ELMO1: variants seen among roughly 807,000 people sequenced by gnomAD.
The protein encoded by ELMO1 is engulfment and cell motility 1, also known as engulfment and cell motility protein 1.
A neutral mutation model predicts 98.9 loss-of-function variants in ELMO1; 26 were observed. The ratio of observed to expected loss-of-function variants is 0.26; its 90% CI spans 0.19 to 0.36. The LOEUF (loss-of-function observed/expected upper bound fraction) is 0.36, where lower values mean the gene tolerates loss of function less well. Ranked by LOEUF, ELMO1 falls within the 10% of genes least tolerant of loss-of-function variation. The probability of loss-of-function intolerance (pLI) is 1.00; values close to 1 mark genes in which losing one functional copy is unlikely to be tolerated. For synonymous variants in ELMO1, 346 were observed against 346.0 expected, an observed-to-expected ratio of 1.00 and a Z score of 0.00; for missense variants, 627 against 935.2, an observed-to-expected ratio of 0.67 and a Z score of 4.30.
At chr7:36,977,369 C>T (rs1790645638) in intron 16 of ELMO1, among the ~76,000 whole-genome samples, 1 of 152,148 alleles carries the variant, frequency 6.6e-6, no homozygotes, top group South Asian at 2.1e-4. Flanking sequence ...ATTGGTCTGG[C>T]CTTGAAGCAA....
rs188342449 is a variant in ELMO1 at position 36,973,790 on chromosome 7, C to A, written c.1437+39509G>T. Among the ~76,000 whole-genome samples the A allele has an allele frequency of 4.3e-3, 650 of 152,298 alleles. 7 individuals carry two copies. Among genetic ancestry groups the A allele is most frequent in the African/African-American group, 0.015 (625 of 41,582 alleles). The stretch of plus-strand genomic sequence containing the variant: ...CGGGGCTGCGCGCGGCGCTTGCGAG[C>A]CAGCTGGAGTTCCAGATGGGCGTGG... On this transcript the variant is annotated intron_variant, in intron 16 of 21. Coordinates refer to ENST00000310758, the MANE Select transcript of ELMO1 (RefSeq NM_014800.11).
chr7:37,166,671 G>A (rs1315238874), intron 13 of ELMO1, among the ~76,000 whole-genome samples: 2 of 152,170 alleles, frequency 1.3e-5, no homozygotes, highest in African/African-American at 4.8e-5. Context: ...TTAATCCTGA[G>A]TTCTAGTTTG....
intron 16 of ELMO1, among the ~76,000 whole-genome samples, chr7:36,954,843 T>C (rs917728908): frequency 1.3e-5 from 2 of 152,250 alleles, no homozygotes; most frequent in African/African-American, 4.8e-5. Context: ...AATTCTGTCC[T>C]AATCACATTA....
rs1327198031 is a variant in ELMO1 at position 37,342,155 on chromosome 7, C to T, written c.78+458G>A. On this transcript the variant is annotated intron_variant, in intron 2 of 21. Coordinates refer to ENST00000310758, the MANE Select transcript of ELMO1 (RefSeq NM_014800.11). This position sits in a 1 kb window ranked among gnomAD's most constrained non-coding sequence, Gnocchi z 4.3. The stretch of plus-strand genomic sequence containing the variant: ...GGCTGAAATCCAAGACTGAACCCCT[C>T]TATACTAATTTCATTACAAAGCTAT... 3.3e-5 allele frequency among the ~76,000 whole-genome samples: 5 copies of T among 152,176 alleles called. No individual in the cohort carries two copies.
intron 1 of ELMO1, among the ~76,000 whole-genome samples, chr7:37,394,449 C>G (rs1803208722): frequency 6.6e-6 from 1 of 152,152 alleles, no homozygotes; most frequent in Admixed American, 6.5e-5. Flanking sequence ...TGATAAGAAA[C>G]AGGAATCTCT....
chr7:36,999,890 C>A (rs191266496), intron 16 of ELMO1, among the ~76,000 whole-genome samples: 1 of 152,102 alleles, frequency 6.6e-6, no homozygotes, highest in Non-Finnish European at 1.5e-5. Flanking sequence ...AGCCTAAAAG[C>A]TTTTATAACT....
chr7:37,202,084 C>T (rs999610727), intron 13 of ELMO1, among the ~76,000 whole-genome samples: 6 of 152,278 alleles, frequency 3.9e-5, no homozygotes, highest in Middle Eastern at 3.4e-3. Context: ...CAGAGCACCC[C>T]GGGACCTCCT....
intron 6 of ELMO1, among the ~76,000 whole-genome samples, chr7:37,258,163 G>T (rs1795787785): frequency 6.6e-6 from 1 of 152,116 alleles, no homozygotes; most frequent in Non-Finnish European, 1.5e-5. Flanking sequence ...AGCTACTCGG[G>T]AGCCTGAGGA....
chr7:37,092,527 C>T (rs866895754), intron 15 of ELMO1, among the ~76,000 whole-genome samples: 4 of 151,870 alleles, frequency 2.6e-5, no homozygotes, highest in South Asian at 2.1e-4. Context: ...TACAGGCACC[C>T]GCCACCATGC....
chr7:36,959,365 CAAAAT>C (rs1451547282), intron 16 of ELMO1, among the ~76,000 whole-genome samples: 2 of 152,104 alleles, frequency 1.3e-5, no homozygotes, highest in South Asian at 4.2e-4. Context: ...CTGCCTCACT[CAAAAT>C]AAAAGCCAAA....
intron 13 of ELMO1, among the ~76,000 whole-genome samples, chr7:37,154,329 G>A (rs1043924427): frequency 6.6e-6 from 1 of 152,194 alleles, no homozygotes; most frequent in Non-Finnish European, 1.5e-5. Context: ...CGAGCTGACA[G>A]AAGTAGGCTT....
intron 16 of ELMO1, among the ~76,000 whole-genome samples, chr7:36,965,756 A>C (rs1789369600): frequency 6.6e-6 from 1 of 152,194 alleles, no homozygotes; most frequent in Admixed American, 6.5e-5. Flanking sequence ...GGGAAAAAAA[A>C]ACCCATTCCA....
chr7:37,275,860 T>G lies in ELMO1; in HGVS notation c.193-3978A>C, dbSNP rs997729079. 3.3e-5 allele frequency among the ~76,000 whole-genome samples: 5 copies of G among 152,252 alleles called. No homozygotes were observed. The South Asian group carries it at 1.0e-3, about 31-fold the overall frequency. Reference sequence around the variant, plus strand: ...AAAGGCAATGGTAGACCACTGTTTCTGAGACTATATTCTATCCAGAAAGTC... The same window carrying G: ...AAAGGCAATGGTAGACCACTGTTTCGGAGACTATATTCTATCCAGAAAGTC... On this transcript the variant is annotated intron_variant, in intron 4 of 21. Coordinates refer to ENST00000310758, the MANE Select transcript of ELMO1 (RefSeq NM_014800.11).
chr7:36,863,047 T>C (rs781367310), intron 20 of ELMO1, among the ~76,000 whole-genome samples: 6 of 152,326 alleles, frequency 3.9e-5, no homozygotes, highest in Non-Finnish European at 7.4e-5. Flanking sequence ...CTGGCTCTCA[T>C]GGAGTTCTCA....
chr7:37,405,179 A>G (rs1468713150), intron 1 of ELMO1, among the ~76,000 whole-genome samples: 1 of 146,806 alleles, frequency 6.8e-6, no homozygotes, highest in Non-Finnish European at 1.5e-5. Context: ...TAAGGCATGG[A>G]TGCTTTTTAT....
intron 15 of ELMO1, among the ~76,000 whole-genome samples, chr7:37,047,713 G>A (rs1462044626): frequency 2.0e-5 from 3 of 152,104 alleles, no homozygotes; most frequent in African/African-American, 7.2e-5. Flanking sequence ...CATTGGAAAG[G>A]CTTTTCCCTA....
chr7:36,972,897 C>T (rs1790099097), intron 16 of ELMO1, among the ~76,000 whole-genome samples: 1 of 152,196 alleles, frequency 6.6e-6, no homozygotes, highest in Non-Finnish European at 1.5e-5. Context: ...TCTCCTGCCT[C>T]AGCCTCCTGA....
Position 37,162,164 on chromosome 7 carries a change from C to T in ELMO1, c.1087-28930G>A, listed in dbSNP as rs188287633. On this transcript the variant is annotated intron_variant, in intron 13 of 21. Transcript: ENST00000310758. Reference sequence around the variant, plus strand: ...AGATCATTCTGAAGACCCAACCTTGCGTTTCTGGAGCCTCTGCAAAAAGAG... The same window carrying T: ...AGATCATTCTGAAGACCCAACCTTGTGTTTCTGGAGCCTCTGCAAAAAGAG... Among the ~76,000 whole-genome samples the T allele has an allele frequency of 2.7e-3, 416 of 151,696 alleles. 6 individuals carry two copies. The highest frequency in any genetic ancestry group is 9.6e-3 in the African/African-American group (397 of 41,366).
chr7:37,013,186 T>C (rs1419418395), intron 16 of ELMO1, 113 bp downstream of exon 16: 2 of 1,330,960 alleles, frequency 1.5e-6, no homozygotes, highest in East Asian at 4.7e-5. Context: ...ATCATTGCAA[T>C]CTTCCTCATT....
Sources: gnomAD v4.1 joint callset for allele counts (sites outside exome capture counted in the v4.1 genomes callset) on GRCh38, gnomAD v4.1.1 for gene constraint, Gnocchi (gnomAD v3.1) non-coding constraint, MANE v1.5 for transcripts, NCBI Gene and HGNC (gene_info 2026-07-23, HGNC 2026-07-21) for gene names.